Variants in PITPNC1 observed in about 807,000 individuals in gnomAD.
The protein encoded by PITPNC1 is phosphatidylinositol transfer protein cytoplasmic 1.
In PITPNC1, 18 loss-of-function variants were observed where a neutral mutation model predicts 44.7. That is an observed-to-expected ratio of 0.40 (90% confidence interval 0.28 to 0.60). The LOEUF (loss-of-function observed/expected upper bound fraction) is 0.60, where lower values mean the gene tolerates loss of function less well. PITPNC1 is among the 20% of genes least tolerant of loss of function. PITPNC1 has a pLI of 0.39. For synonymous variants in PITPNC1, 141 were observed against 149.6 expected, an observed-to-expected ratio of 0.94 and a Z score of 0.42; for missense variants, 290 against 418.4, an observed-to-expected ratio of 0.69 and a Z score of 2.68.
chr17:67,482,158 C>G (rs1286088854), intron 1 of PITPNC1, among the ~76,000 whole-genome samples: 1 of 152,112 alleles, frequency 6.6e-6, no homozygotes, highest in Non-Finnish European at 1.5e-5. Context: ...TATTGTAATT[C>G]TTTGTGAAAT....
At position 67,435,236 on chromosome 17, in the gene PITPNC1, A is replaced by G. The variant is rs117112096; in HGVS notation, c.48+57034A>G. Among the ~76,000 whole-genome samples, 1,468 of 152,276 alleles carry G rather than the reference A, an allele frequency of 9.6e-3. 24 individuals are homozygous for G. The highest frequency in any genetic ancestry group is 0.014 in the Non-Finnish European group (921 of 68,014). The stretch of plus-strand genomic sequence containing the variant: ...CTTCATCTGTAAAACGGAAATTATA[A>G]TAGTACTTACCTCTGCAGGATTCTT... On this transcript the variant is annotated intron_variant, in intron 1 of 8. Transcript: ENST00000581322.
chr17:67,408,677 T>TCTTCCTTCCTTCCTTC (rs71139143), intron 1 of PITPNC1: 125 of 79,448 alleles, frequency 1.6e-3, no homozygotes, highest in East Asian at 5.9e-3. Flanking sequence ...GCTTTCTCTT[T>TCTTCCTTCCTTCCTTC]CTTCCTTCCT....
Position 67,378,206 on chromosome 17 carries a change from A to G in PITPNC1, c.48+4A>G. ...CATGCCGCTCACCGTAGACGAGGTA[A>G]GCGCCGCGCCCGGCCCGGCCTCGCC... On this transcript the variant is annotated splice_donor_region_variant and intron_variant, in intron 1 of 8. Coordinates refer to ENST00000581322, the MANE Select transcript of PITPNC1 (RefSeq NM_012417.4). 6.5e-7 allele frequency: 1 copy of G among 1,531,176 alleles called. No individual in the cohort carries two copies. Among genetic ancestry groups the G allele is most frequent in the Non-Finnish European group, 8.8e-7 (1 of 1,142,488 alleles). 94.8% of individuals were successfully genotyped at this position (1,531,176 alleles called of 1,614,324 possible). A position where few individuals can be genotyped will look rare whatever the true frequency, so the allele number is the denominator to read the frequency against.
At chr17:67,610,931 A>G (rs1237475753) in intron 5 of PITPNC1, among the ~76,000 whole-genome samples, 1 of 151,792 alleles carries the variant, frequency 6.6e-6, no homozygotes, top group Non-Finnish European at 1.5e-5. Context: ...AAAAAAAAAA[A>G]AAAAGAAAAA....
At chr17:67,567,345 G>A (rs144412788) in intron 4 of PITPNC1, among the ~76,000 whole-genome samples, 3,925 of 152,174 alleles carry the variant, frequency 0.026, 141 homozygotes, top group African/African-American at 0.085. Flanking sequence ...TTAGCCAGGC[G>A]TGGTGGCAGG....
chr17:67,425,123 C>G (rs555016303), intron 1 of PITPNC1, among the ~76,000 whole-genome samples: 36 of 151,778 alleles, frequency 2.4e-4, no homozygotes, highest in Non-Finnish European at 5.0e-4. Context: ...TAATCCACCA[C>G]ACTTCGCTGA....
At chr17:67,390,386 C>T (rs1366484567) in intron 1 of PITPNC1, among the ~76,000 whole-genome samples, 7 of 152,168 alleles carry the variant, frequency 4.6e-5, no homozygotes, top group Admixed American at 6.5e-5. Flanking sequence ...GGCATGGAGG[C>T]TGTGGCCATC....
At chr17:67,466,954 G>C (rs1241109046) in intron 1 of PITPNC1, among the ~76,000 whole-genome samples, 1 of 151,358 alleles carries the variant, frequency 6.6e-6, no homozygotes, top group East Asian at 1.9e-4. Flanking sequence ...GACTGTTTTT[G>C]CAAAATAATA....
chr17:67,422,614 C>G (rs1192690657), intron 1 of PITPNC1, among the ~76,000 whole-genome samples: 1 of 151,426 alleles, frequency 6.6e-6, no homozygotes, highest in Non-Finnish European at 1.5e-5. Flanking sequence ...GTGGTGTGAT[C>G]TCGGCTCACT....
At chr17:67,487,956 A>AT (rs748991587) in intron 1 of PITPNC1, among the ~76,000 whole-genome samples, 37 of 152,044 alleles carry the variant, frequency 2.4e-4, no homozygotes, top group Non-Finnish European at 4.7e-4. Flanking sequence ...AGAAGCTACG[A>AT]TTTTTTCTTT....
At position 67,386,067 on chromosome 17, in the gene PITPNC1, C is replaced by A. The variant is rs540768858; in HGVS notation, c.48+7865C>A. On this transcript the variant is annotated intron_variant, in intron 1 of 8. Coordinates refer to ENST00000581322, the MANE Select transcript of PITPNC1 (RefSeq NM_012417.4). ...AGGCTCTTGAAAGTCAATTTAGAAA[C>A]CTTGTGTCTGATTGCGTGAGTGTGA... 7.2e-5 allele frequency among the ~76,000 whole-genome samples: 11 copies of A among 152,254 alleles called. No homozygotes were observed. In the South Asian group the frequency reaches 2.1e-3, roughly 29 times the overall value.
At chr17:67,513,353 GTAT>G (rs2040212554) in intron 1 of PITPNC1, among the ~76,000 whole-genome samples, 2 of 139,214 alleles carry the variant, frequency 1.4e-5, no homozygotes, top group East Asian at 4.1e-4. Flanking sequence ...GGAAGAGTCT[GTAT>G]CTATATCTAT....
In PITPNC1 at chr17:67,676,219, A is replaced by AG. The variant is rs1452779805; in HGVS notation, c.682+677_682+678insG. Among the ~76,000 whole-genome samples the AG allele has an allele frequency of 6.6e-6, 1 of 152,130 alleles. No individual in the cohort carries two copies. The highest frequency in any genetic ancestry group is 1.9e-4 in the East Asian group (1 of 5,178). On this transcript the variant is annotated intron_variant, in intron 8 of 8. Coordinates refer to ENST00000581322, the MANE Select transcript of PITPNC1 (RefSeq NM_012417.4). The surrounding 1 kb of genome is among the most constrained non-coding windows in gnomAD (Gnocchi z 4.0). ...GAGACTCCGTCTCGGAAAAAAAAAA[A>AG]AAAGAAAGAAAGAAACTACCCCTCA...
chr17:67,638,093 G>C (rs539117959), intron 6 of PITPNC1: 1 of 152,250 alleles, frequency 6.6e-6, no homozygotes, highest in Admixed American at 6.5e-5. Context: ...TCTTGCCGCT[G>C]CCAAGATTTT....
At chr17:67,604,666 C>T (rs936872185) in intron 5 of PITPNC1, among the ~76,000 whole-genome samples, 7 of 151,998 alleles carry the variant, frequency 4.6e-5, no homozygotes, top group African/African-American at 1.7e-4. Context: ...ACCTGTAGTC[C>T]CAGCTACTTG....
At chr17:67,431,590 G>A (rs533363627) in intron 1 of PITPNC1, among the ~76,000 whole-genome samples, 2 of 152,270 alleles carry the variant, frequency 1.3e-5, no homozygotes, top group East Asian at 1.9e-4. Context: ...GGAATACTAA[G>A]AATAAGAAAG....
At chr17:67,512,618 A>G (rs1184510380) in intron 1 of PITPNC1, among the ~76,000 whole-genome samples, 1 of 150,982 alleles carries the variant, frequency 6.6e-6, no homozygotes, top group Non-Finnish European at 1.5e-5. Context: ...ATATTTTATT[A>G]TCATTTTTTG....
At chr17:67,474,311 G>GTCAAGATGTTT (rs1333455630) in intron 1 of PITPNC1, among the ~76,000 whole-genome samples, 4 of 152,178 alleles carry the variant, frequency 2.6e-5, no homozygotes, top group South Asian at 2.1e-4. Context: ...TGTCTTCTCC[G>GTCAAGATGTTT]TCAAGATGTT....
intron 2 of PITPNC1, among the ~76,000 whole-genome samples, chr17:67,541,471 AC>A (rs1325644135): frequency 5.7e-4 from 60 of 105,474 alleles, no homozygotes; most frequent in African/African-American, 2.5e-3. Flanking sequence ...TTATACATAC[AC>A]ACACACACAC....
Sources: allele counts gnomAD v4.1 joint callset (sites outside exome capture counted in the v4.1 genomes callset), GRCh38; gene constraint gnomAD v4.1.1; non-coding constraint Gnocchi (gnomAD v3.1); transcripts MANE v1.5; gene names NCBI Gene and HGNC (gene_info 2026-07-23, HGNC 2026-07-21).